DNAH5: variants seen among roughly 807,000 people sequenced by gnomAD.
The protein encoded by DNAH5 is axonemal beta dynein heavy chain 5.
In DNAH5, 372 loss-of-function variants were observed where a neutral mutation model predicts 518.2. That is an observed-to-expected ratio of 0.72 (90% confidence interval 0.66 to 0.78). The LOEUF is 0.78. Ranked by LOEUF, DNAH5 falls within the 30% of genes least tolerant of loss-of-function variation. The pLI is 0.00. For missense variants in DNAH5, 5,523 were observed against 5,687.0 expected (o/e 0.97, Z 0.93); for synonymous variants, 2,039 against 2,025.9 (o/e 1.01, Z -0.17).
intron 1 of DNAH5, among the ~76,000 whole-genome samples, chr5:14,004,848 G>T (rs1784609763): frequency 6.6e-6 from 1 of 150,692 alleles, no homozygotes; most frequent in Admixed American, 6.6e-5. Context: ...ATGATGGGTT[G>T]ATCTCAATAG....
At chr5:13,792,647 T>A (rs754674297) in intron 49 of DNAH5, among the ~76,000 whole-genome samples, 9 of 150,756 alleles carry the variant, frequency 6.0e-5, no homozygotes, top group African/African-American at 1.7e-4. Flanking sequence ...CAATAAGGAA[T>A]AATTAAAAAT....
At chr5:13,830,496 GA>G in intron 36 of DNAH5, 100 bp downstream of exon 36, 2 of 1,429,178 alleles carry the variant, frequency 1.4e-6, no homozygotes, top group Non-Finnish European at 2.0e-6. Context: ...TTACAAAGTT[GA>G]AAATGATTCT....
chr5:13,914,940 G>A (rs1776467286), intron 9 of DNAH5, among the ~76,000 whole-genome samples: 2 of 152,024 alleles, frequency 1.3e-5, no homozygotes, highest in South Asian at 4.1e-4. Flanking sequence ...CCTGAAAACT[G>A]ATGAGTTTCC....
chr5:13,843,098 A>G (rs1765508415), intron 32 of DNAH5, among the ~76,000 whole-genome samples: 1 of 152,158 alleles, frequency 6.6e-6, no homozygotes, highest in Admixed American at 6.5e-5. Flanking sequence ...CAACCCACAC[A>G]TCCCATAAAA....
chr5:13,862,826 C>A, intron 28 of DNAH5, 79 bp from the exon 29 acceptor site: 1 of 757,488 alleles, frequency 1.3e-6, no homozygotes, highest in South Asian at 2.5e-5. Flanking sequence ...AATACCCCAT[C>A]TTCACTATTT....
At chr5:13,698,085 C>A (rs1029996161) in intron 78 of DNAH5, among the ~76,000 whole-genome samples, 9 of 152,156 alleles carry the variant, frequency 5.9e-5, no homozygotes, top group Non-Finnish European at 1.3e-4. Context: ...AAACCAAGTC[C>A]AGCTCCTGGT....
At position 13,988,722 on chromosome 5, in the gene DNAH5, C is replaced by A. The variant is rs912019052; in HGVS notation, c.12+22926G>T. On this transcript the variant is annotated intron_variant, in intron 1 of 78. Coordinates refer to the DNAH5 transcript ENST00000681290. ...CAGGCATGAGCCACTGCACCCAGCC[C>A]AAATCTTTTTTTTTTTTGAGACAGA... Among the ~76,000 whole-genome samples the A allele has an allele frequency of 3.9e-5, 4 of 103,272 alleles. No individual in the cohort carries two copies. The South Asian group carries it at 9.8e-4, about 25-fold the overall frequency. The allele number at this position is 103,272 out of a possible 152,430, so 67.8% of individuals were successfully genotyped here.
chr5:13,988,268 T>C (rs559552090), intron 1 of DNAH5, among the ~76,000 whole-genome samples: 1 of 152,210 alleles, frequency 6.6e-6, no homozygotes, highest in East Asian at 1.9e-4. Flanking sequence ...ATACAAACTT[T>C]GATGCCACTG....
At chr5:13,964,778 A>G (rs1017794716) in intron 1 of DNAH5, among the ~76,000 whole-genome samples, 3 of 152,230 alleles carry the variant, frequency 2.0e-5, no homozygotes, top group African/African-American at 7.2e-5. Flanking sequence ...GTTTAAAGAT[A>G]TATACAGTAT....
rs1342031986 is a variant in DNAH5 at position 13,811,680 on chromosome 5, G to A, written c.7374C>T (p.Ser2458=). Residue 2458 remains serine, a synonymous_variant, in exon 44 of 79, where the codon AGC becomes AGT. Transcript: ENST00000265104. The stretch of plus-strand genomic sequence containing the variant: ...GAATCAGGCCTTGAAGCATGTTAAT[G>A]CTCTGTGTGATGACAAAGGCCTCCA... ...EVLEAFVITQ[S]INMLQGLIPL... is the part of the protein sequence containing the mutation. The A allele has an allele frequency of 5.0e-6, 8 of 1,614,010 alleles. No individual in the cohort carries two copies. In the African/African-American group the frequency reaches 1.1e-4, roughly 22 times the overall value.
upstream of DNAH5, among the ~76,000 whole-genome samples, chr5:13,945,329 C>T (rs1294113226): frequency 1.3e-5 from 2 of 152,198 alleles, no homozygotes; most frequent in Non-Finnish European, 2.9e-5. Context: ...CCTTGGAATT[C>T]ACAGTCCAGC....
intron 29 of DNAH5, among the ~76,000 whole-genome samples, chr5:13,861,144 T>G (rs184025273): frequency 6.6e-6 from 1 of 152,136 alleles, no homozygotes; most frequent in African/African-American, 2.4e-5. Flanking sequence ...AAGAAAAGTT[T>G]CCCCACCCCA....
intron 1 of DNAH5, among the ~76,000 whole-genome samples, chr5:14,008,749 C>G (rs926061912): frequency 1.3e-5 from 2 of 152,202 alleles, no homozygotes; most frequent in African/African-American, 4.8e-5. Context: ...TTCCACAGTA[C>G]TTTAAACATA....
At chr5:13,766,997 A>G (rs887936209) in intron 58 of DNAH5, among the ~76,000 whole-genome samples, 1 of 150,052 alleles carries the variant, frequency 6.7e-6, no homozygotes, top group African/African-American at 2.5e-5. Context: ...GACAGTAACC[A>G]ATGACCTTCA....
chr5:13,858,625 T>C (rs1193167807), intron 30 of DNAH5, among the ~76,000 whole-genome samples: 3 of 152,084 alleles, frequency 2.0e-5, no homozygotes, highest in Non-Finnish European at 4.4e-5. Context: ...ATGAAAAACA[T>C]GCACAAATAC....
At chr5:13,756,664 A>G (rs1398297282) in intron 61 of DNAH5, among the ~76,000 whole-genome samples, 1 of 152,222 alleles carries the variant, frequency 6.6e-6, no homozygotes, top group Non-Finnish European at 1.5e-5. Context: ...TTTATGAGGC[A>G]TAAGTATATA....
rs186638177 is a variant in DNAH5, at chr5:13,865,579, G to A, written c.4355+89C>T. 6 of 828,666 alleles carry A rather than the reference G, an allele frequency of 7.2e-6. No individual in the cohort carries two copies. The Admixed American group carries it at 1.0e-4, about 14-fold the overall frequency. The allele number at this position is 828,666 out of a possible 1,614,324, so 51.3% of individuals were successfully genotyped here. A position where few individuals can be genotyped will look rare whatever the true frequency, so the allele number is the denominator to read the frequency against. On this transcript the variant is annotated intron_variant, in intron 27 of 78. Coordinates refer to ENST00000265104, the MANE Select transcript of DNAH5 (RefSeq NM_001369.3). ...TGCAGCAAGATGTGCTTTTGAAATAGCTGGGGTGAAAAGAGAACTTGGCTG... is the reference window on the plus strand; with the variant it reads ...TGCAGCAAGATGTGCTTTTGAAATAACTGGGGTGAAAAGAGAACTTGGCTG...
In DNAH5 at chr5:13,717,405, C is replaced by A. The variant is rs755597752; in HGVS notation, c.12615G>T (p.Gly4205=). The change falls in exon 73 of 79, where the codon GGG becomes GGT. Residue 4205 remains glycine, a synonymous_variant. Coordinates refer to ENST00000265104, the MANE Select transcript of DNAH5 (RefSeq NM_001369.3). Reference sequence around the variant, plus strand: ...GGTTAAATTCGTAGGGGATATTCCACCCCAGGGCACCGAACTTGCGCCTCT... The same window carrying A: ...GGTTAAATTCGTAGGGGATATTCCAACCCAGGGCACCGAACTTGCGCCTCT... ...VQERRKFGAL[G]WNIPYEFNQA... is the part of the protein sequence containing the mutation. 2 of 1,614,100 alleles carry A rather than the reference C, an allele frequency of 1.2e-6. No homozygotes were observed. The highest frequency in any genetic ancestry group is 4.5e-5 in the East Asian group (2 of 44,836).
At chr5:13,885,625 G>A (rs1490988181) in intron 18 of DNAH5, among the ~76,000 whole-genome samples, 9 of 152,076 alleles carry the variant, frequency 5.9e-5, no homozygotes, top group African/African-American at 1.2e-4. Context: ...CAAAAGGTGC[G>A]CTCAGTCTAG....
Sources: gnomAD v4.1 joint callset for allele counts (sites outside exome capture counted in the v4.1 genomes callset) on GRCh38, gnomAD v4.1.1 for gene constraint, MANE v1.5 for transcripts, NCBI Gene and HGNC (gene_info 2026-07-23, HGNC 2026-07-21) for gene names.